Variants in MYO18A observed in about 807,000 individuals in gnomAD.
The protein encoded by MYO18A is unconventional myosin-XVIIIa.
A neutral mutation model predicts 235.8 loss-of-function variants in MYO18A; 78 were observed. That is an observed-to-expected ratio of 0.33 (90% confidence interval 0.28 to 0.40). MYO18A has a LOEUF of 0.40. Among genes scored for constraint, MYO18A ranks in the 10% least tolerant of loss-of-function variants. MYO18A has a pLI of 1.00. For missense variants in MYO18A, 2,215 were observed against 2,699.3 expected (o/e 0.82, Z 3.98); for synonymous variants, 977 against 1,077.8 (o/e 0.91, Z 1.83).
Position 29,074,255 on chromosome 17 carries a change from G to A in MYO18A, c.*515C>T, listed in dbSNP as rs144903018. ...CACTACAGCCCCCTCCCACTCTCAG[G>A]GATGCAGCTGTGATGGAGAGGTTGG... On this transcript the variant is annotated 3_prime_UTR_variant, in exon 42 of 42. Coordinates refer to ENST00000527372, the MANE Select transcript of MYO18A (RefSeq NM_078471.4). This position sits in a 1 kb window ranked among gnomAD's most constrained non-coding sequence, Gnocchi z 4.4. The A allele has an allele frequency of 2.0e-4, 292 of 1,466,434 alleles. No homozygotes were observed. In the African/African-American group the frequency reaches 3.8e-3, roughly 19 times the overall value. 90.8% of individuals were successfully genotyped at this position (1,466,434 alleles called of 1,614,324 possible). A position where few individuals can be genotyped will look rare whatever the true frequency, so the allele number is the denominator to read the frequency against.
chr17:29,091,627 C>T (rs938227737), intron 34 of MYO18A: 7 of 454,134 alleles, frequency 1.5e-5, no homozygotes, highest in African/African-American at 1.4e-4. Context: ...TTGAATTACT[C>T]ACCTGAGAAC....
In MYO18A at chr17:29,117,307, T is replaced by TG. The variant is rs2067097020; in HGVS notation, c.2038+737dup. Among the ~76,000 whole-genome samples the TG allele has an allele frequency of 6.6e-6, 1 of 152,124 alleles. No homozygotes were observed. Among genetic ancestry groups the TG allele is most frequent in the African/African-American group, 2.4e-5 (1 of 41,432 alleles). ...AGCTGCAGCCCATTCGTTACCACGG[T>TG]GCCTGCTGCCCCCTAGTGGCCGCCA... On this transcript the variant is annotated intron_variant, in intron 10 of 41. Transcript: ENST00000527372. The surrounding 1 kb of genome is among the most constrained non-coding windows in gnomAD (Gnocchi z 4.6).
intron 2 of MYO18A, among the ~76,000 whole-genome samples, chr17:29,127,211 G>A (rs1414096330): frequency 6.6e-6 from 1 of 152,116 alleles, no homozygotes; most frequent in Non-Finnish European, 1.5e-5. Flanking sequence ...TATTTTGGCG[G>A]CAAAACCTGG....
chr17:29,099,122 C>T (rs1372998861), intron 22 of MYO18A, among the ~76,000 whole-genome samples, 153 bp from the exon 23 acceptor site: 1 of 152,180 alleles, frequency 6.6e-6, no homozygotes, highest in Non-Finnish European at 1.5e-5. Context: ...CCCCCTTGCC[C>T]CAGGCTCACT....
At chr17:29,084,091 G>A (rs1432451086) in intron 40 of MYO18A, among the ~76,000 whole-genome samples, 1 of 152,164 alleles carries the variant, frequency 6.6e-6, no homozygotes, top group African/African-American at 2.4e-5. Context: ...GCCCAGAGCT[G>A]CTGAGGAAGG....
chr17:29,087,266 A>G, intron 37 of MYO18A, 145 bp from the exon 38 acceptor site: 1 of 784,820 alleles, frequency 1.3e-6, no homozygotes, highest in Non-Finnish European at 2.1e-6. Flanking sequence ...GCAACCCCGA[A>G]GCTTCCCTTG....
chr17:29,112,563 C>T (rs751008290), intron 15 of MYO18A, among the ~76,000 whole-genome samples: 25 of 152,368 alleles, frequency 1.6e-4, no homozygotes, highest in Non-Finnish European at 2.2e-4. Flanking sequence ...TCTGGTTCTT[C>T]AAGAGAAGGT....
chr17:29,119,527 C>A, intron 7 of MYO18A, 92 bp from the exon 8 acceptor site: 23 of 772,506 alleles, frequency 3.0e-5, no homozygotes, highest in Non-Finnish European at 4.5e-5. Flanking sequence ...ACATGGTCCT[C>A]TAGGCCCTGG....
chr17:29,111,344 A>T lies in MYO18A; in HGVS notation c.2900+80T>A. The T allele has an allele frequency of 2.0e-6, 3 of 1,512,392 alleles. No individual in the cohort carries two copies. The highest frequency in any genetic ancestry group is 2.7e-6 in the Non-Finnish European group (3 of 1,114,656). The allele number at this position is 1,512,392 out of a possible 1,614,324, so 93.7% of individuals were successfully genotyped here. On this transcript the variant is annotated intron_variant, in intron 17 of 41. Transcript: ENST00000527372. The surrounding 1 kb of genome is among the most constrained non-coding windows in gnomAD (Gnocchi z 5.1). Reference sequence around the variant, plus strand: ...TACTTTGCTAGTGAGGGGGCCTCTGAGACAACCCCAGGGGGAGGGAGCCCC... The same window carrying T: ...TACTTTGCTAGTGAGGGGGCCTCTGTGACAACCCCAGGGGGAGGGAGCCCC...
intron 2 of MYO18A, among the ~76,000 whole-genome samples, chr17:29,159,076 T>G (rs1480525467): frequency 1.3e-5 from 2 of 152,154 alleles, no homozygotes; most frequent in Non-Finnish European, 2.9e-5. Flanking sequence ...CTCAGGTCAG[T>G]GCAGCCTGGG....
intron 2 of MYO18A, among the ~76,000 whole-genome samples, chr17:29,134,833 C>T (rs188256957): frequency 6.6e-6 from 1 of 151,920 alleles, no homozygotes; most frequent in East Asian, 1.9e-4. Flanking sequence ...AACACTCAAA[C>T]CCTTAATACA....
At chr17:29,147,859 G>A (rs1473460069) in intron 2 of MYO18A, among the ~76,000 whole-genome samples, 1 of 137,468 alleles carries the variant, frequency 7.3e-6, no homozygotes, top group Non-Finnish European at 1.5e-5. Flanking sequence ...AGTGAGCTAC[G>A]ACCATGCCAC....
At chr17:29,100,348 C>T (rs975864458) in intron 21 of MYO18A, among the ~76,000 whole-genome samples, 2 of 152,248 alleles carry the variant, frequency 1.3e-5, no homozygotes, top group African/African-American at 4.8e-5. Context: ...CTCCCCCTCC[C>T]TGCTAGTTTC....
Position 29,073,095 on chromosome 17 carries a change from A to AAGAGAAAGAG in MYO18A, c.*1674_*1675insCTCTTTCTCT, listed in dbSNP as rs2065904012. The AAGAGAAAGAG allele has an allele frequency of 6.6e-6, 1 of 150,608 alleles. No individual in the cohort carries two copies. The allele number at this position is 150,608 out of a possible 1,614,324, so 9.3% of individuals were successfully genotyped here. ...AAAAAGAAAGAGAATGAAAGAAAGA[A>AAGAGAAAGAG]AGAGAGAGAGAGAGGGAGAGAGGGA... is the stretch of plus-strand genomic sequence containing the variant. On this transcript the variant is annotated 3_prime_UTR_variant, in exon 42 of 42. Coordinates refer to ENST00000527372, the MANE Select transcript of MYO18A (RefSeq NM_078471.4).
chr17:29,079,045 G>A (rs2066053328), intron 41 of MYO18A, among the ~76,000 whole-genome samples: 4 of 152,158 alleles, frequency 2.6e-5, no homozygotes, highest in Admixed American at 2.6e-4. Flanking sequence ...TGCCAGAGAG[G>A]AAGGTAGCTT....
At position 29,145,323 on chromosome 17, in the gene MYO18A, G is replaced by A. The variant is rs539525165; in HGVS notation, c.999+20619C>T. 4.6e-5 allele frequency among the ~76,000 whole-genome samples: 7 copies of A among 152,320 alleles called. No individual in the cohort carries two copies. In the South Asian group the frequency reaches 1.4e-3, roughly 32 times the overall value. ...GTGGGGAACAAGGGGATCTCCATGT[G>A]TGGTGACAACTTCAACTGCTCTGCT... On this transcript the variant is annotated intron_variant, in intron 2 of 41. Coordinates refer to ENST00000527372, the MANE Select transcript of MYO18A (RefSeq NM_078471.4).
intron 37 of MYO18A, among the ~76,000 whole-genome samples, chr17:29,088,853 C>A (rs1208775788): frequency 1.3e-5 from 2 of 151,800 alleles, no homozygotes; most frequent in African/African-American, 4.8e-5. Context: ...GTCTGAGCAA[C>A]AAGGCAAAAC....
Position 29,128,257 on chromosome 17 carries a change from C to G in MYO18A, c.1000-6004G>C, listed in dbSNP as rs574558945. 3.3e-5 allele frequency: 39 copies of G among 1,168,206 alleles called. No homozygotes were observed. The East Asian group carries it at 1.4e-3, about 43-fold the overall frequency. 72.4% of individuals were successfully genotyped at this position (1,168,206 alleles called of 1,614,324 possible). A position where few individuals can be genotyped will look rare whatever the true frequency, so the allele number is the denominator to read the frequency against. Reference sequence around the variant, plus strand: ...CCTTTTCTCCCCTCTTGCTTCGAGTCGGGTGCTCGGGGGACTTGACTCCTC... The same window carrying G: ...CCTTTTCTCCCCTCTTGCTTCGAGTGGGGTGCTCGGGGGACTTGACTCCTC... On this transcript the variant is annotated intron_variant, in intron 2 of 41. Transcript: ENST00000527372.
chr17:29,111,705 C>T lies in MYO18A; in HGVS notation c.2740+17G>A, dbSNP rs781304857. ...TAAGAGGAAGCAGAGGAGCTACCCT[C>T]TAGGGATGCCACCTACCTTTTTTGT... On this transcript the variant is annotated intron_variant, in intron 16 of 41. Transcript: ENST00000527372. This position sits in a 1 kb window ranked among gnomAD's most constrained non-coding sequence, Gnocchi z 5.1. 1.9e-6 allele frequency: 3 copies of T among 1,613,110 alleles called. No individual in the cohort carries two copies. The highest frequency in any genetic ancestry group is 2.5e-6 in the Non-Finnish European group (3 of 1,179,566).
Sources: gnomAD v4.1 joint callset for allele counts (sites outside exome capture counted in the v4.1 genomes callset) on GRCh38, gnomAD v4.1.1 for gene constraint, Gnocchi (gnomAD v3.1) non-coding constraint, MANE v1.5 for transcripts, NCBI Gene and HGNC (gene_info 2026-07-23, HGNC 2026-07-21) for gene names.